PSKH1: variants seen among roughly 807,000 people sequenced by gnomAD.
The protein encoded by PSKH1 is serine/threonine-protein kinase H1.
In PSKH1, 12 loss-of-function variants were observed where a neutral mutation model predicts 26.7. The observed-to-expected ratio is 0.45, with a 90% CI of 0.29 to 0.73. The LOEUF (loss-of-function observed/expected upper bound fraction) is 0.73. Among genes scored for constraint, PSKH1 ranks in the 30% least tolerant of loss-of-function variants. The probability of loss-of-function intolerance (pLI) is 0.11; values close to 1 mark genes in which losing one functional copy is unlikely to be tolerated. For missense variants in PSKH1, 431 were observed against 595.2 expected (o/e 0.72, Z 2.87); for synonymous variants, 213 against 234.3 (o/e 0.91, Z 0.83).
In PSKH1 at chr16:67,927,800, T is replaced by A; in HGVS notation, c.*158T>A. 1.1e-6 allele frequency: 1 copy of A among 888,272 alleles called. No homozygotes were observed. Among genetic ancestry groups the A allele is most frequent in the African/African-American group, 1.7e-5 (1 of 59,304 alleles). The allele number at this position is 888,272 out of a possible 1,614,324, so 55.0% of individuals were successfully genotyped here. A position where few individuals can be genotyped will look rare whatever the true frequency, so the allele number is the denominator to read the frequency against. On this transcript the variant is annotated 3_prime_UTR_variant, in exon 3 of 3. Coordinates refer to ENST00000291041, the MANE Select transcript of PSKH1 (RefSeq NM_006742.3). This position sits in a 1 kb window ranked among gnomAD's most constrained non-coding sequence, Gnocchi z 5.5. Reference sequence around the variant, plus strand: ...TTCTCTGTGCCTTCAGCAGCCCCTGTCCTCACCATGGGCCTGGGCCAGGTG... The same window carrying A: ...TTCTCTGTGCCTTCAGCAGCCCCTGACCTCACCATGGGCCTGGGCCAGGTG...
At chr16:67,906,766 G>A (rs2058157131) in intron 1 of PSKH1, among the ~76,000 whole-genome samples, 1 of 152,134 alleles carries the variant, frequency 6.6e-6, no homozygotes, top group Admixed American at 6.5e-5. Context: ...ACCTCTGGAA[G>A]CAGTAACTTC....
At chr16:67,896,444 A>G (rs2058126648) in intron 1 of PSKH1, among the ~76,000 whole-genome samples, 1 of 151,412 alleles carries the variant, frequency 6.6e-6, no homozygotes, top group African/African-American at 2.4e-5. Flanking sequence ...TTTGTTCTTC[A>G]GGGTTAGTTG....
intron 1 of PSKH1, among the ~76,000 whole-genome samples, chr16:67,906,750 G>A (rs2058157093): frequency 6.6e-6 from 1 of 152,114 alleles, no homozygotes; most frequent in African/African-American, 2.4e-5. Flanking sequence ...CATTAGAAAG[G>A]TGGTGACCTC....
rs945603329 is a variant in PSKH1, at chr16:67,928,243, C to G, written c.*601C>G. ...AGATCTGTCTTCCTTCATGGTGCCT[C>G]CAGGGAGCCTTCCTGGTCCCAGGAC... On this transcript the variant is annotated 3_prime_UTR_variant, in exon 3 of 3. Coordinates refer to ENST00000291041, the MANE Select transcript of PSKH1 (RefSeq NM_006742.3). The surrounding 1 kb of genome is among the most constrained non-coding windows in gnomAD (Gnocchi z 4.8). The G allele has an allele frequency of 6.5e-6, 1 of 153,050 alleles. No homozygotes were observed. Among genetic ancestry groups the G allele is most frequent in the Non-Finnish European group, 1.5e-5 (1 of 68,506 alleles). 9.5% of individuals were successfully genotyped at this position (153,050 alleles called of 1,614,324 possible).
chr16:67,924,686 C>T (rs1288593845), intron 2 of PSKH1, among the ~76,000 whole-genome samples: 6 of 152,202 alleles, frequency 3.9e-5, no homozygotes, highest in African/African-American at 1.4e-4. Flanking sequence ...GGCTGTCAGC[C>T]CTGTCTTGGG....
chr16:67,922,610 G>A (rs1434342823), intron 2 of PSKH1, among the ~76,000 whole-genome samples: 1 of 152,216 alleles, frequency 6.6e-6, no homozygotes, highest in Non-Finnish European at 1.5e-5. Flanking sequence ...GAAGGAAAAG[G>A]TGGAGAAAAA....
intron 1 of PSKH1, among the ~76,000 whole-genome samples, chr16:67,894,465 G>T (rs1008989147): frequency 2.0e-5 from 3 of 152,102 alleles, no homozygotes; most frequent in South Asian, 4.1e-4. Context: ...TTTAGATAAC[G>T]CAGTTTTCTC....
rs1462044574 is a variant in PSKH1, at chr16:67,909,158, C to G, written c.409C>G (p.Arg137Gly). ...GATTGAGACCAAGTACCGGGAGGGG[C>G]GGGAGGTGTGTGAGTCGGAGCTGCG... ...KMIETKYREG[R>G]EVCESELRVL... The change falls in exon 2 of 3, where the codon CGG becomes GGG. Residue 137 changes from arginine (R) to glycine (G), a missense_variant. By Grantham distance (125) the Arg-to-Gly change is moderately radical (BLOSUM62 -2). Transcript: ENST00000291041. The surrounding 1 kb of genome is among the most constrained non-coding windows in gnomAD (Gnocchi z 7.8). 3.1e-6 allele frequency: 5 copies of G among 1,614,086 alleles called. No individual in the cohort carries two copies. Among genetic ancestry groups the G allele is most frequent in the Non-Finnish European group, 4.2e-6 (5 of 1,180,018 alleles).
intron 2 of PSKH1, among the ~76,000 whole-genome samples, chr16:67,910,796 C>T (rs2058171191): frequency 6.6e-6 from 1 of 152,250 alleles, no homozygotes; most frequent in African/African-American, 2.4e-5. Context: ...AGCCACTGCA[C>T]CTGGCCAGAA....
intron 2 of PSKH1, among the ~76,000 whole-genome samples, chr16:67,915,146 C>T (rs902729581): frequency 6.6e-6 from 1 of 151,808 alleles, no homozygotes; most frequent in Middle Eastern, 3.4e-3. Context: ...AATCACAGGG[C>T]AGGACTCTGC....
intron 1 of PSKH1, among the ~76,000 whole-genome samples, chr16:67,907,065 G>A (rs572588670): frequency 8.7e-5 from 13 of 150,232 alleles, no homozygotes; most frequent in Admixed American, 3.3e-4. Context: ...CCGGGTTCAC[G>A]CCATTCTCCT....
chr16:67,900,064 T>C (rs9930348), intron 1 of PSKH1, among the ~76,000 whole-genome samples: 13,715 of 151,966 alleles, frequency 0.09, 1,897 homozygotes, highest in African/African-American at 0.3. Flanking sequence ...CAGGGTCAAA[T>C]GATTCTCCTG....
In PSKH1 at chr16:67,915,660, A is replaced by G. The variant is rs965983537; in HGVS notation, c.957+5954A>G. Among the ~76,000 whole-genome samples, 11 of 152,184 alleles carry G rather than the reference A, an allele frequency of 7.2e-5. 1 individual carries two copies. The highest frequency in any genetic ancestry group is 1.2e-4 in the Non-Finnish European group (8 of 68,026). On this transcript the variant is annotated intron_variant, in intron 2 of 2. Coordinates refer to ENST00000291041, the MANE Select transcript of PSKH1 (RefSeq NM_006742.3). ...TTTCTGCATGGAGGTGAGGACAGAC[A>G]TCGCTAGAATGGGACCCAGCAATCA...
At chr16:67,919,041 C>T (rs1447370006) in intron 2 of PSKH1, among the ~76,000 whole-genome samples, 3 of 152,162 alleles carry the variant, frequency 2.0e-5, no homozygotes, top group Non-Finnish European at 4.4e-5. Flanking sequence ...TCCCTCCCTG[C>T]CCCTCATCTC....
Position 67,926,227 on chromosome 16 carries a change from C to A in PSKH1, c.958-1098C>A, listed in dbSNP as rs114879162. On this transcript the variant is annotated intron_variant, in intron 2 of 2. Transcript: ENST00000291041. ...GAAGTGTTCCTAGGAGATGCAGGGACGCAAGGACTCACCTGGCTGAGCCCC... is the reference window on the plus strand; with the variant it reads ...GAAGTGTTCCTAGGAGATGCAGGGAAGCAAGGACTCACCTGGCTGAGCCCC... Among the ~76,000 whole-genome samples, 958 of 152,242 alleles carry A rather than the reference C, an allele frequency of 6.3e-3. 5 individuals carry two copies. The highest frequency in any genetic ancestry group is 0.022 in the African/African-American group (895 of 41,550).
intron 1 of PSKH1, among the ~76,000 whole-genome samples, chr16:67,898,008 C>T (rs1478674512): frequency 6.6e-5 from 10 of 152,088 alleles, no homozygotes; most frequent in Admixed American, 5.9e-4. Context: ...CTACCACGCC[C>T]GGCTAATTTT....
rs2058163876 is a variant in PSKH1, at chr16:67,908,832, G to T, written c.83G>T (p.Ser28Ile). 6.2e-7 allele frequency: 1 copy of T among 1,614,098 alleles called. No homozygotes were observed. The highest frequency in any genetic ancestry group is 8.5e-7 in the Non-Finnish European group (1 of 1,179,966). Residue 28 changes from serine to isoleucine, a missense_variant, in exon 2 of 3, where the codon AGT (serine) becomes ATT (isoleucine). Coordinates refer to ENST00000291041, the MANE Select transcript of PSKH1 (RefSeq NM_006742.3). Reference protein sequence around the residue: ...LDLVKKVEPFSGTKSDVYKHF... With the variant: ...LDLVKKVEPFIGTKSDVYKHF... Reference sequence around the variant, plus strand: ...CTGGTCAAGAAGGTGGAGCCCTTCAGTGGCACTAAGAGTGACGTGTACAAG... The same window carrying T: ...CTGGTCAAGAAGGTGGAGCCCTTCATTGGCACTAAGAGTGACGTGTACAAG...
intron 1 of PSKH1, among the ~76,000 whole-genome samples, chr16:67,903,840 CTTTTTTT>C (rs1241734475): frequency 8.0e-5 from 10 of 125,366 alleles, no homozygotes; most frequent in African/African-American, 8.8e-5. Context: ...GCACTACACT[CTTTTTTT>C]TTTTTTTTTT....
Position 67,927,406 on chromosome 16 carries a change from C to T in PSKH1, c.1039C>T (p.Leu347=). 1.2e-6 allele frequency: 2 copies of T among 1,614,220 alleles called. No individual in the cohort carries two copies. The highest frequency in any genetic ancestry group is 1.1e-5 in the South Asian group (1 of 91,090). ...GGACCCTGGAGCCCGTATGACTGCA[C>T]TGCAGGCCCTGAGGCACCCGTGGGT... ...TVDPGARMTA[L]QALRHPWVVS... is the part of the protein sequence containing the mutation. The change falls in exon 3 of 3, where the codon CTG becomes TTG. Residue 347 remains leucine (L), a synonymous_variant. Transcript: ENST00000291041. The surrounding 1 kb of genome is among the most constrained non-coding windows in gnomAD (Gnocchi z 5.5).
Sources: allele counts gnomAD v4.1 joint callset (sites outside exome capture counted in the v4.1 genomes callset), GRCh38; gene constraint gnomAD v4.1.1; non-coding constraint Gnocchi (gnomAD v3.1); transcripts MANE v1.5; gene names NCBI Gene and HGNC (gene_info 2026-07-23, HGNC 2026-07-21).